Variants in TBC1D12 observed in about 807,000 individuals in gnomAD.
TBC1D12 encodes TBC1 domain family, member 12.
Under a neutral mutation model 86.7 loss-of-function variants are expected in TBC1D12, and 56 were observed. That is an observed-to-expected ratio of 0.65 (90% CI 0.52 to 0.81). TBC1D12 has a LOEUF of 0.81. Among genes scored for constraint, TBC1D12 ranks in the 30% least tolerant of loss-of-function variants. The pLI is 0.00. For missense variants in TBC1D12, 1,023 were observed against 1,038.8 expected (o/e 0.98, Z 0.21); for synonymous variants, 421 against 411.7 (o/e 1.02, Z -0.27).
At chr10:94,423,342 C>CTTTTTTTTTTTTTT (rs71486719) in intron 1 of TBC1D12, among the ~76,000 whole-genome samples, 1 of 94,204 alleles carries the variant, frequency 1.1e-5, no homozygotes, top group Non-Finnish European at 1.9e-5. Flanking sequence ...CATTCACCAT[C>CTTTTTTTTTTTTTT]TTTTTTTTTT....
intron 1 of TBC1D12, among the ~76,000 whole-genome samples, chr10:94,425,685 T>G (rs1443478188): frequency 6.6e-6 from 1 of 152,234 alleles, no homozygotes; most frequent in Non-Finnish European, 1.5e-5. Context: ...GGCTATTTTA[T>G]TTCCTTTGGC....
At chr10:94,453,049 C>T (rs1024156252) in intron 2 of TBC1D12, among the ~76,000 whole-genome samples, 2 of 152,190 alleles carry the variant, frequency 1.3e-5, no homozygotes, top group Non-Finnish European at 2.9e-5. Context: ...AACATCTCTT[C>T]ACATGCTTAC....
chr10:94,418,592 G>C (rs1289692351), intron 1 of TBC1D12, among the ~76,000 whole-genome samples: 2 of 149,144 alleles, frequency 1.3e-5, no homozygotes, highest in African/African-American at 5.1e-5. Context: ...TATTATTTTT[G>C]AGACAGTCTC....
intron 9 of TBC1D12, among the ~76,000 whole-genome samples, chr10:94,520,641 GAGAC>G (rs1206584984): frequency 6.6e-6 from 1 of 152,126 alleles, no homozygotes; most frequent in South Asian, 2.1e-4. Flanking sequence ...CTGGGAACAA[GAGAC>G]AGAGTTATCA....
chr10:94,440,552 C>T (rs2055366043), intron 1 of TBC1D12, among the ~76,000 whole-genome samples: 1 of 152,108 alleles, frequency 6.6e-6, no homozygotes, highest in Non-Finnish European at 1.5e-5. Context: ...AACTTATTTT[C>T]TATTATCACT....
At chr10:94,513,812 G>C (rs919078641) in intron 9 of TBC1D12, among the ~76,000 whole-genome samples, 1 of 152,026 alleles carries the variant, frequency 6.6e-6, no homozygotes, top group African/African-American at 2.4e-5. Flanking sequence ...GCCTGCATTG[G>C]TCTCCCATAG....
At chr10:94,447,677 C>T (rs1295418522) in intron 2 of TBC1D12, 6 of 984,342 alleles carry the variant, frequency 6.1e-6, no homozygotes, top group East Asian at 1.1e-4. Context: ...GTTGGTGAGC[C>T]GTGTTAAAAA....
intron 6 of TBC1D12, 151 bp downstream of exon 6, chr10:94,500,478 G>T: frequency 2.0e-6 from 1 of 503,790 alleles, no homozygotes; most frequent in South Asian, 4.8e-5. Context: ...TTATGAAGCA[G>T]GTTATTAAAC....
intron 9 of TBC1D12, 61 bp downstream of exon 9, chr10:94,511,715 A>G (rs2056530880): frequency 4.3e-6 from 5 of 1,173,836 alleles, no homozygotes; most frequent in Non-Finnish European, 6.3e-6. Context: ...TCTTTATCAA[A>G]ATATCCTATG....
chr10:94,446,464 TAGG>T (rs2055463471), intron 2 of TBC1D12, among the ~76,000 whole-genome samples: 1 of 152,316 alleles, frequency 6.6e-6, no homozygotes, highest in East Asian at 1.9e-4. Context: ...TAAGATTTAT[TAGG>T]AGATTAGAGT....
intron 1 of TBC1D12, among the ~76,000 whole-genome samples, chr10:94,430,529 A>G (rs1466733637): frequency 1.3e-5 from 2 of 152,242 alleles, no homozygotes; most frequent in Admixed American, 6.5e-5. Context: ...GCCCCTTTTT[A>G]GTGAGCTTTA....
At chr10:94,467,885 C>T (rs987509586) in intron 2 of TBC1D12, among the ~76,000 whole-genome samples, 3 of 152,176 alleles carry the variant, frequency 2.0e-5, no homozygotes, top group African/African-American at 7.2e-5. Context: ...GTCCAGGCTA[C>T]CTACAGTTTT....
At chr10:94,486,077 TTTGTA>T (rs1392646505) in intron 3 of TBC1D12, among the ~76,000 whole-genome samples, 13 of 151,782 alleles carry the variant, frequency 8.6e-5, no homozygotes, top group African/African-American at 3.1e-4. Context: ...TTGTTGATCT[TTTGTA>T]TTGTTTTCTT....
chr10:94,503,122 CTCATA>C (rs2056420064), intron 6 of TBC1D12, among the ~76,000 whole-genome samples: 1 of 152,174 alleles, frequency 6.6e-6, no homozygotes, highest in Non-Finnish European at 1.5e-5. Context: ...ACAAGTCTGT[CTCATA>C]TGTACTACAG....
At chr10:94,459,185 G>C in intron 2 of TBC1D12, among the ~76,000 whole-genome samples, 1 of 152,072 alleles carries the variant, frequency 6.6e-6, no homozygotes, top group East Asian at 1.9e-4. Flanking sequence ...GCTAGACACA[G>C]AGTGCTGATT....
chr10:94,492,439 A>G (rs574000796), intron 3 of TBC1D12, among the ~76,000 whole-genome samples: 10 of 152,332 alleles, frequency 6.6e-5, no homozygotes, highest in African/African-American at 2.4e-4. Flanking sequence ...TAACTAAGGG[A>G]AATGAAAGCA....
chr10:94,513,781 A>C (rs1172097698), intron 9 of TBC1D12, among the ~76,000 whole-genome samples: 1 of 151,954 alleles, frequency 6.6e-6, no homozygotes, highest in Non-Finnish European at 1.5e-5. Context: ...GCTTATCTTG[A>C]ACTCCTGGCT....
chr10:94,469,748 C>T (rs1341550606), intron 2 of TBC1D12, among the ~76,000 whole-genome samples: 1 of 152,134 alleles, frequency 6.6e-6, no homozygotes, highest in African/African-American at 2.4e-5. Context: ...CTGTGCAGGA[C>T]CTGGAGTTCT....
intron 6 of TBC1D12, among the ~76,000 whole-genome samples, chr10:94,502,808 G>A (rs1253269602): frequency 6.6e-6 from 1 of 152,130 alleles, no homozygotes; most frequent in Non-Finnish European, 1.5e-5. Context: ...ATAATATATT[G>A]TCACTGTTAC....
Sources: gnomAD v4.1 joint callset for allele counts (sites outside exome capture counted in the v4.1 genomes callset) on GRCh38, gnomAD v4.1.1 for gene constraint, MANE v1.5 for transcripts, NCBI Gene and HGNC (gene_info 2026-07-23, HGNC 2026-07-21) for gene names.